ANO2: variants seen among roughly 807,000 people sequenced by gnomAD.
ANO2 encodes anoctamin-2.
In ANO2, 101 loss-of-function variants were observed where a neutral mutation model predicts 124.2. The ratio of observed to expected loss-of-function variants is 0.81; its 90% CI spans 0.69 to 0.96. The LOEUF is 0.96. Ranked by LOEUF, ANO2 falls within the 40% of genes least tolerant of loss-of-function variation. The pLI, the probability that ANO2 is intolerant of heterozygous loss-of-function variation, is 0.00. For missense variants in ANO2, 1,293 were observed against 1,274.5 expected (o/e 1.01, Z -0.22); for synonymous variants, 486 against 482.5 (o/e 1.01, Z -0.09).
intron 4 of ANO2, among the ~76,000 whole-genome samples, chr12:5,842,837 G>A (rs1591683532): frequency 6.6e-6 from 1 of 152,112 alleles, no homozygotes; most frequent in Non-Finnish European, 1.5e-5. Context: ...ACCATCTCAG[G>A]TTCCTCACAG....
intron 14 of ANO2, among the ~76,000 whole-genome samples, chr12:5,648,890 C>T (rs71459958): frequency 6.6e-6 from 1 of 152,216 alleles, no homozygotes. Context: ...CTCCTCACCA[C>T]TGATACTCAG....
At chr12:5,737,192 C>T (rs1375451619) in intron 13 of ANO2, among the ~76,000 whole-genome samples, 5 of 152,204 alleles carry the variant, frequency 3.3e-5, no homozygotes, top group Admixed American at 2.6e-4. Flanking sequence ...ATGTGGGGCA[C>T]GCCAGTCACG....
rs114848458 is a variant in ANO2, at chr12:5,648,389, G to A, written c.1546-588C>T. On this transcript the variant is annotated intron_variant, in intron 14 of 24. Coordinates refer to ENST00000682330, the MANE Select transcript of ANO2 (RefSeq NM_001364791.2). Reference sequence around the variant, plus strand: ...CATGTAGTATTATGTGCTCCCCCTCGTCACAAATCCAAACATTTTGAGGCA... The same window carrying A: ...CATGTAGTATTATGTGCTCCCCCTCATCACAAATCCAAACATTTTGAGGCA... 7.7e-3 allele frequency among the ~76,000 whole-genome samples: 1,179 copies of A among 152,158 alleles called. 14 individuals carry two copies. Among genetic ancestry groups the A allele is most frequent in the African/African-American group, 0.027 (1,132 of 41,512 alleles).
intron 1 of ANO2, among the ~76,000 whole-genome samples, chr12:5,929,559 T>C (rs867225722): frequency 2.3e-4 from 16 of 69,752 alleles, no homozygotes; most frequent in South Asian, 4.7e-4. Flanking sequence ...GTCTACCTTC[T>C]TTCCTCACTC....
At chr12:5,616,329 G>A (rs1175746648) in intron 16 of ANO2, among the ~76,000 whole-genome samples, 1 of 152,120 alleles carries the variant, frequency 6.6e-6, no homozygotes, top group Non-Finnish European at 1.5e-5. Context: ...GTCCTCTCAT[G>A]GTCAAGGGGA....
chr12:5,747,194 C>G (rs1660203637), intron 11 of ANO2, among the ~76,000 whole-genome samples: 1 of 152,076 alleles, frequency 6.6e-6, no homozygotes, highest in Non-Finnish European at 1.5e-5. Context: ...TAAAATTTTT[C>G]AAAATAAAAA....
At chr12:5,740,807 C>T (rs1319848493) in intron 12 of ANO2, 1 of 152,166 alleles carries the variant, frequency 6.6e-6, no homozygotes, top group African/African-American at 2.4e-5. Context: ...ATGTCGAGCC[C>T]GAACTATCTA....
intron 14 of ANO2, among the ~76,000 whole-genome samples, chr12:5,664,128 G>A (rs578006825): frequency 6.2e-4 from 94 of 152,336 alleles, no homozygotes; most frequent in Non-Finnish European, 1.1e-3. Context: ...ATGTGCGCAC[G>A]CATGCATGTG....
chr12:5,830,002 C>T (rs553107068), intron 6 of ANO2, among the ~76,000 whole-genome samples: 1 of 152,238 alleles, frequency 6.6e-6, no homozygotes, highest in Admixed American at 6.5e-5. Context: ...AATGCATAAA[C>T]AAACACAGTG....
intron 16 of ANO2, among the ~76,000 whole-genome samples, chr12:5,632,693 A>G (rs1945783549): frequency 6.6e-6 from 1 of 152,172 alleles, no homozygotes; most frequent in African/African-American, 2.4e-5. Context: ...CCCGCCTTGC[A>G]TATGGGAAGT....
rs1323187155 is a variant in ANO2 at position 5,599,518 on chromosome 12, T to C, written c.2199A>G (p.Pro733=). The C allele has an allele frequency of 6.2e-7, 1 of 1,613,098 alleles. No homozygotes were observed. The highest frequency in any genetic ancestry group is 1.1e-5 in the South Asian group (1 of 90,792). The change falls in exon 20 of 25, where the codon CCA becomes CCG. Residue 733 remains proline, a synonymous_variant. Transcript: ENST00000682330. ...TGTACTCCGGAGTCAGTCCTGTGTA[T>C]GGTTCCAAGCTGTAGTCTAGGTCCC... is the stretch of plus-strand genomic sequence containing the variant. The part of the protein sequence containing the change: ...EQWDLDYSLE[P]YTGLTPEYME...
chr12:5,817,913 A>C (rs1953660961), intron 7 of ANO2, among the ~76,000 whole-genome samples: 1 of 152,218 alleles, frequency 6.6e-6, no homozygotes, highest in Non-Finnish European at 1.5e-5. Context: ...AAGAAGGAAG[A>C]GAAATCAAGG....
intron 14 of ANO2, among the ~76,000 whole-genome samples, chr12:5,670,159 A>C (rs539467785): frequency 1.3e-5 from 2 of 152,356 alleles, no homozygotes; most frequent in South Asian, 4.1e-4. Context: ...GCATGATCTT[A>C]GGCAAGTCAC....
At chr12:5,890,767 G>C (rs1265140429) in intron 3 of ANO2, among the ~76,000 whole-genome samples, 1 of 152,180 alleles carries the variant, frequency 6.6e-6, no homozygotes, top group Admixed American at 6.5e-5. Flanking sequence ...ATCTTGCATG[G>C]CCTTCTGCAA....
intron 14 of ANO2, among the ~76,000 whole-genome samples, chr12:5,671,358 T>C (rs868385473): frequency 4.6e-5 from 7 of 152,262 alleles, no homozygotes; most frequent in African/African-American, 1.2e-4. Context: ...TCACAATAAA[T>C]ATTTTAAAGT....
In ANO2 at chr12:5,647,740, G is replaced by T; in HGVS notation, c.1607C>A (p.Ser536Tyr). ...RFPGYLMNFA[S>Y]ILFMIALTFS... ...CAAGGAAATTACCATGAATAAGATG[G>T]AGGCAAAGTTCATCAGGTAACCTGG... Residue 536 changes from serine (S) to tyrosine (Y), a missense_variant, in exon 15 of 25, where the codon TCC becomes TAC. Ser to Tyr is a moderately radical substitution (Grantham distance 144). Coordinates refer to ENST00000682330, the MANE Select transcript of ANO2 (RefSeq NM_001364791.2). 1.2e-6 allele frequency: 2 copies of T among 1,610,012 alleles called. No individual in the cohort carries two copies. Among genetic ancestry groups the T allele is most frequent in the Non-Finnish European group, 1.7e-6 (2 of 1,178,412 alleles).
chr12:5,837,014 C>A (rs1476573442), intron 4 of ANO2, among the ~76,000 whole-genome samples: 1 of 152,186 alleles, frequency 6.6e-6, no homozygotes, highest in Non-Finnish European at 1.5e-5. Flanking sequence ...CTCTGGAGAA[C>A]CAGCATTGAT....
At chr12:5,881,323 G>C (rs12298741) in intron 3 of ANO2, among the ~76,000 whole-genome samples, 1 of 152,054 alleles carries the variant, frequency 6.6e-6, no homozygotes, top group African/African-American at 2.4e-5. Context: ...GAGTACATGT[G>C]CATCTACCCT....
At chr12:5,791,540 C>T (rs1357728020) in intron 10 of ANO2, among the ~76,000 whole-genome samples, 1 of 152,176 alleles carries the variant, frequency 6.6e-6, no homozygotes, top group Non-Finnish European at 1.5e-5. Flanking sequence ...GGGCTGGAAC[C>T]CCAGCTAGCC....
Sources: gnomAD v4.1 joint callset for allele counts (sites outside exome capture counted in the v4.1 genomes callset) on GRCh38, gnomAD v4.1.1 for gene constraint, MANE v1.5 for transcripts, NCBI Gene and HGNC (gene_info 2026-07-23, HGNC 2026-07-21) for gene names.